Variants in UBAP1 observed in about 807,000 individuals in gnomAD.
The protein encoded by UBAP1 is ubiquitin-associated protein 1.
A neutral mutation model predicts 39.0 loss-of-function variants in UBAP1; 5 were observed. The observed-to-expected ratio is 0.13, with a 90% CI of 0.07 to 0.27. The LOEUF (loss-of-function observed/expected upper bound fraction) is 0.27. Ranked by LOEUF, UBAP1 falls within the 10% of genes least tolerant of loss-of-function variation. The pLI is 1.00. For synonymous variants in UBAP1, 211 were observed against 225.1 expected, an observed-to-expected ratio of 0.94 and a Z score of 0.56; for missense variants, 490 against 608.1, an observed-to-expected ratio of 0.81 and a Z score of 2.04.
At chr9:34,182,691 C>CT (rs763738694) in intron 1 of UBAP1, among the ~76,000 whole-genome samples, 1 of 95,434 alleles carries the variant, frequency 1.0e-5, no homozygotes, top group African/African-American at 3.5e-5. Context: ...TTCTCTCTCT[C>CT]TTTCTTTTCT....
intron 2 of UBAP1, among the ~76,000 whole-genome samples, chr9:34,233,216 C>G (rs1833516800): frequency 8.9e-6 from 1 of 111,940 alleles, no homozygotes; most frequent in Admixed American, 1.2e-4. Flanking sequence ...TAGAGTAATT[C>G]TTTCTCTTCT....
intron 3 of UBAP1, among the ~76,000 whole-genome samples, chr9:34,237,230 C>T (rs971361936): frequency 1.6e-5 from 2 of 126,158 alleles, no homozygotes; most frequent in African/African-American, 5.5e-5. Context: ...GTCTACTGGG[C>T]ACTGCAGGTA....
At chr9:34,235,751 A>G (rs1327022487) in intron 3 of UBAP1, among the ~76,000 whole-genome samples, 1 of 151,480 alleles carries the variant, frequency 6.6e-6, no homozygotes, top group Non-Finnish European at 1.5e-5. Flanking sequence ...TCGCTTACTC[A>G]CTCACCCAGA....
At chr9:34,227,474 G>C (rs1353643526) in intron 2 of UBAP1, among the ~76,000 whole-genome samples, 1 of 152,116 alleles carries the variant, frequency 6.6e-6, no homozygotes, top group Non-Finnish European at 1.5e-5. Flanking sequence ...TAAATATTAT[G>C]CATTTGCTAT....
At chr9:34,223,451 G>T (rs868306053) in intron 2 of UBAP1, among the ~76,000 whole-genome samples, 1 of 150,902 alleles carries the variant, frequency 6.6e-6, no homozygotes, top group African/African-American at 2.4e-5. Flanking sequence ...GTGTTATTTT[G>T]TTTGTTTGTT....
intron 1 of UBAP1, among the ~76,000 whole-genome samples, chr9:34,201,695 A>T (rs1831379068): frequency 6.6e-6 from 1 of 152,126 alleles, no homozygotes; most frequent in African/African-American, 2.4e-5. Context: ...CCCACACACC[A>T]AGCAGCTGCC....
intron 2 of UBAP1, among the ~76,000 whole-genome samples, chr9:34,226,239 T>C (rs1445979025): frequency 6.7e-6 from 1 of 149,044 alleles, no homozygotes; most frequent in African/African-American, 2.5e-5. Context: ...TGTTTTTTTT[T>C]TTTTTTTTGA....
chr9:34,241,750 A>G lies in UBAP1; in HGVS notation c.725A>G (p.Asn242Ser). The change falls in exon 4 of 7, where the codon AAC becomes AGC. Residue 242 changes from asparagine (N) to serine (S), a missense_variant. Coordinates refer to ENST00000297661, the MANE Select transcript of UBAP1 (RefSeq NM_016525.5). The stretch of plus-strand genomic sequence containing the variant: ...TTTATAACCTTACCACAGTTGGGCA[A>G]CTGTGAAAAGATGTCACTGTCTTCC... ...NGFITLPQLG[N>S]CEKMSLSSKV... The G allele has an allele frequency of 6.2e-7, 1 of 1,614,056 alleles. No homozygotes were observed. The highest frequency in any genetic ancestry group is 1.3e-5 in the African/African-American group (1 of 75,002).
At chr9:34,210,037 A>G (rs991896142) in intron 1 of UBAP1, among the ~76,000 whole-genome samples, 4 of 152,136 alleles carry the variant, frequency 2.6e-5, no homozygotes, top group South Asian at 2.1e-4. Flanking sequence ...AGTGACTCCA[A>G]TTTTCTTTTT....
intron 1 of UBAP1, 85 bp downstream of exon 1, chr9:34,179,325 T>TGG: frequency 3.2e-6 from 1 of 317,380 alleles, no homozygotes. Context: ...GGAAACGGGA[T>TGG]GGGGGGCCGA....
At chr9:34,251,323 A>C (rs1834515886) in intron 6 of UBAP1, 69 bp from the exon 7 acceptor site, 2 of 1,539,970 alleles carry the variant, frequency 1.3e-6, no homozygotes, top group East Asian at 4.5e-5. Context: ...TCCCACACAC[A>C]CACTCCTTCA....
At chr9:34,195,926 G>GTTTTT (rs1491276146) in intron 1 of UBAP1, among the ~76,000 whole-genome samples, 1 of 42,590 alleles carries the variant, frequency 2.3e-5, no homozygotes, top group South Asian at 9.3e-4. Flanking sequence ...CAAATTTTTT[G>GTTTTT]GTTTTTTTTT....
In UBAP1 at chr9:34,196,698, G is replaced by A. The variant is rs141333000; in HGVS notation, c.-8+17458G>A. ...GGCCTCAAGTGATCCTCCTGTCTCA[G>A]CCTCCCAAAGCACCGGGATTACAAG... On this transcript the variant is annotated intron_variant, in intron 1 of 6. Transcript: ENST00000297661. 1.2e-4 allele frequency among the ~76,000 whole-genome samples: 18 copies of A among 151,922 alleles called. No homozygotes were observed. In the East Asian group the frequency reaches 1.8e-3, roughly 15 times the overall value.
intron 1 of UBAP1, among the ~76,000 whole-genome samples, chr9:34,207,341 T>C (rs995578859): frequency 1.3e-5 from 2 of 150,640 alleles, no homozygotes; most frequent in Admixed American, 6.6e-5. Context: ...TCACCACGCC[T>C]GGCCGCTTAA....
intron 1 of UBAP1, chr9:34,206,164 T>C (rs1831676178): frequency 6.6e-6 from 1 of 152,216 alleles, no homozygotes; most frequent in Non-Finnish European, 1.5e-5. Flanking sequence ...GTTTCTCCCT[T>C]CCAAGTACTA....
Position 34,179,060 on chromosome 9 carries a change from C to T in UBAP1, c.-188C>T, listed in dbSNP as rs1489969617. On this transcript the variant is annotated 5_prime_UTR_variant, in exon 1 of 7. Transcript: ENST00000297661. ...AAGGAGGAGGGAAGTAGGACTTCAA[C>T]ATGGCGGCTGCGGCACTGGCGGTGG... 3.9e-6 allele frequency: 5 copies of T among 1,279,734 alleles called. No individual in the cohort carries two copies. Among genetic ancestry groups the T allele is most frequent in the Non-Finnish European group, 4.9e-6 (5 of 1,011,896 alleles). 79.3% of individuals were successfully genotyped at this position (1,279,734 alleles called of 1,614,324 possible).
At chr9:34,220,239 A>G (rs550834137) in intron 1 of UBAP1, among the ~76,000 whole-genome samples, 1 of 136,336 alleles carries the variant, frequency 7.3e-6, no homozygotes, top group Non-Finnish European at 1.6e-5. Context: ...TGCAGCCTCA[A>G]ATCCTGAGCT....
intron 1 of UBAP1, among the ~76,000 whole-genome samples, chr9:34,183,370 C>T (rs1394941078): frequency 4.6e-5 from 7 of 151,250 alleles, no homozygotes; most frequent in Admixed American, 6.6e-5. Flanking sequence ...GGTGAAATCC[C>T]GTCTGTACTA....
At chr9:34,237,356 A>C (rs545661455) in intron 3 of UBAP1, among the ~76,000 whole-genome samples, 2 of 152,256 alleles carry the variant, frequency 1.3e-5, no homozygotes, top group Admixed American at 1.3e-4. Context: ...AAGATTTTTA[A>C]AAATGCAGCT....
Sources: gnomAD v4.1 joint callset for allele counts (sites outside exome capture counted in the v4.1 genomes callset) on GRCh38, gnomAD v4.1.1 for gene constraint, MANE v1.5 for transcripts, NCBI Gene and HGNC (gene_info 2026-07-23, HGNC 2026-07-21) for gene names.